Variants in AFF2 observed in about 807,000 individuals in gnomAD.
AFF2 encodes the protein AF4/FMR2 family member 2.
In AFF2, 14 loss-of-function variants were observed where a neutral mutation model predicts 76.9. The observed-to-expected ratio is 0.18, with a 90% CI of 0.12 to 0.28. AFF2 has a LOEUF of 0.28. Ranked by LOEUF, AFF2 falls within the 10% of genes least tolerant of loss-of-function variation. The probability of loss-of-function intolerance (pLI) is 1.00; values close to 1 mark genes in which losing one functional copy is unlikely to be tolerated. For synonymous variants in AFF2, 398 were observed against 366.7 expected (o/e 1.09, Z -0.98); for missense variants, 868 against 1,001.1 (o/e 0.87, Z 1.79).
intron 3 of AFF2, among the ~76,000 whole-genome samples, chrX:148,700,315 C>T (rs1048513839): frequency 2.7e-5 from 3 of 111,105 alleles, no homozygotes; most frequent in African/African-American, 9.8e-5. Flanking sequence ...GGCAGGCTCT[C>T]GTTCTACTTA....
intron 7 of AFF2, among the ~76,000 whole-genome samples, chrX:148,861,440 G>A (rs1206639426): frequency 8.9e-6 from 1 of 111,732 alleles, no homozygotes; most frequent in Non-Finnish European, 1.9e-5. Flanking sequence ...CAGCAAAAAA[G>A]GGAATTATAT....
intron 4 of AFF2, among the ~76,000 whole-genome samples, chrX:148,830,733 G>A (rs1557273248): frequency 2.7e-5 from 3 of 111,738 alleles, no homozygotes; most frequent in African/African-American, 6.5e-5. Context: ...GAGGCAGGGC[G>A]AGATCACAGG....
At chrX:148,932,989 A>T (rs1210064109) in intron 9 of AFF2, among the ~76,000 whole-genome samples, 2 of 112,296 alleles carry the variant, frequency 1.8e-5, no homozygotes, top group Non-Finnish European at 1.9e-5. Context: ...GATAAAATAT[A>T]TTGGAAGGTG....
At chrX:148,771,384 A>G (rs1557268091) in intron 3 of AFF2, among the ~76,000 whole-genome samples, 1 of 112,016 alleles carries the variant, frequency 8.9e-6, no homozygotes, top group African/African-American at 3.2e-5. Flanking sequence ...AGGATGTCCA[A>G]TTATAGAATG....
Position 148,996,857 on chromosome X carries a change from G to T in AFF2, c.*5525G>T, listed in dbSNP as rs2072607613. Reference sequence around the variant, plus strand: ...TGATTTTTTAAAAAGATAAGTGAGTGTTTTTTATTTTATTATTATTGTCAT... The same window carrying T: ...TGATTTTTTAAAAAGATAAGTGAGTTTTTTTTATTTTATTATTATTGTCAT... On this transcript the variant is annotated 3_prime_UTR_variant, in exon 21 of 21. Coordinates refer to ENST00000370460, the MANE Select transcript of AFF2 (RefSeq NM_002025.4). 8.9e-6 allele frequency: 1 copy of T among 111,899 alleles called. No homozygotes were observed. The highest frequency in any genetic ancestry group is 9.5e-5 in the Admixed American group (1 of 10,572). 9.2% of individuals were successfully genotyped at this position (111,899 alleles called of 1,213,427 possible). A position where few individuals can be genotyped will look rare whatever the true frequency, so the allele number is the denominator to read the frequency against.
In AFF2 at chrX:148,953,653, G is replaced by C; in HGVS notation, c.1471G>C (p.Glu491Gln). ...GGGTTCTGGCAGCTCCAGCGAATCGGAGAGCAGCTCTGAGTCGGATTCAGA... is the reference window on the plus strand; with the variant it reads ...GGGTTCTGGCAGCTCCAGCGAATCGCAGAGCAGCTCTGAGTCGGATTCAGA... The part of the protein sequence containing the change: ...SGGSGSSSES[E>Q]SSSESDSDTE... The change falls in exon 10 of 21, where the codon GAG becomes CAG. Residue 491 changes from glutamate to glutamine, a missense_variant. Physicochemically the swap from Glu to Gln is conservative, Grantham distance 29. Coordinates refer to ENST00000370460, the MANE Select transcript of AFF2 (RefSeq NM_002025.4). 1 of 1,211,716 alleles carries C rather than the reference G, an allele frequency of 8.3e-7. No homozygotes were observed. The highest frequency in any genetic ancestry group is 1.1e-6 in the Non-Finnish European group (1 of 895,462).
chrX:148,593,062 AG>A (rs1193271616), intron 1 of AFF2, among the ~76,000 whole-genome samples: 1 of 111,494 alleles, frequency 9.0e-6, no homozygotes, highest in Non-Finnish European at 1.9e-5. Flanking sequence ...CCTGGAGGGG[AG>A]CCCAGGCTGA....
chrX:148,730,716 A>T (rs905748906), intron 3 of AFF2, among the ~76,000 whole-genome samples: 1 of 112,756 alleles, frequency 8.9e-6, no homozygotes, highest in Admixed American at 9.4e-5. Context: ...CCAATGTTGC[A>T]TGTCAGTTCT....
At chrX:148,533,260 A>T (rs1447019993) in intron 1 of AFF2, among the ~76,000 whole-genome samples, 1 of 111,647 alleles carries the variant, frequency 9.0e-6, no homozygotes, top group Non-Finnish European at 1.9e-5. Context: ...GAAATATGGT[A>T]TCCAGGTGAT....
chrX:148,681,805 A>G (rs1308790094), intron 3 of AFF2, among the ~76,000 whole-genome samples: 1 of 111,013 alleles, frequency 9.0e-6, no homozygotes, highest in African/African-American at 3.3e-5. Flanking sequence ...TTTCCCCACC[A>G]GAGGGCTTTG....
intron 1 of AFF2, among the ~76,000 whole-genome samples, chrX:148,560,633 A>G (rs1252235437): frequency 8.9e-6 from 1 of 112,039 alleles, no homozygotes; most frequent in Non-Finnish European, 1.9e-5. Context: ...CAATCTATTC[A>G]TCTAACAAAC....
chrX:148,963,522 GCTT>G (rs2072135921), intron 13 of AFF2, among the ~76,000 whole-genome samples: 1 of 112,429 alleles, frequency 8.9e-6, no homozygotes, highest in South Asian at 3.7e-4. Flanking sequence ...GATCTATAAA[GCTT>G]CTTCTAGCTC....
intron 7 of AFF2, among the ~76,000 whole-genome samples, chrX:148,851,457 A>T (rs2070730002): frequency 8.9e-6 from 1 of 111,839 alleles, no homozygotes; most frequent in African/African-American, 3.3e-5. Flanking sequence ...AAAAGAATAA[A>T]ATTTATTTTC....
intron 3 of AFF2, among the ~76,000 whole-genome samples, chrX:148,693,550 T>C (rs1557260964): frequency 2.7e-5 from 3 of 112,123 alleles, no homozygotes; most frequent in Non-Finnish European, 5.6e-5. Context: ...CCATGTCTAA[T>C]TTTAGTTCTT....
intron 1 of AFF2, among the ~76,000 whole-genome samples, chrX:148,613,834 A>T (rs2053758484): frequency 8.9e-6 from 1 of 112,085 alleles, no homozygotes; most frequent in Non-Finnish European, 1.9e-5. Flanking sequence ...CTAGCCGAAG[A>T]TAAAATCTTT....
chrX:148,793,313 G>A (rs16994722), intron 3 of AFF2, among the ~76,000 whole-genome samples: 1 of 111,506 alleles, frequency 9.0e-6, no homozygotes, highest in South Asian at 3.7e-4. Context: ...CATCAAAAAG[G>A]TGCCCACAGA....
intron 9 of AFF2, among the ~76,000 whole-genome samples, chrX:148,948,996 T>C (rs2071933315): frequency 9.0e-6 from 1 of 111,121 alleles, no homozygotes; most frequent in African/African-American, 3.3e-5. Flanking sequence ...TCTTCCTGAC[T>C]AGATCTCCAA....
At chrX:148,738,933 G>A (rs1259115884) in intron 3 of AFF2, among the ~76,000 whole-genome samples, 19 of 111,921 alleles carry the variant, frequency 1.7e-4, no homozygotes, top group East Asian at 1.4e-3. Flanking sequence ...GTATTTGAAG[G>A]TTCCTTTTGG....
chrX:148,646,851 C>T (rs1375038755), intron 1 of AFF2, among the ~76,000 whole-genome samples: 1 of 111,752 alleles, frequency 8.9e-6, no homozygotes, highest in African/African-American at 3.3e-5. Flanking sequence ...ACCTCCAGAT[C>T]CAAGGTTCTT....
Sources: allele counts gnomAD v4.1 joint callset (sites outside exome capture counted in the v4.1 genomes callset), GRCh38; gene constraint gnomAD v4.1.1; transcripts MANE v1.5; gene names NCBI Gene and HGNC (gene_info 2026-07-23, HGNC 2026-07-21).